Variants in GRIK4 observed in about 807,000 individuals in gnomAD.
GRIK4 encodes the protein glutamate receptor ionotropic, kainate 4.
GRIK4 carries 40 observed loss-of-function variants against 104.9 expected under a neutral mutation model. The observed-to-expected ratio is 0.38, with a 90% CI of 0.30 to 0.50. The LOEUF is 0.50. Ranked by LOEUF, GRIK4 falls within the 20% of genes least tolerant of loss-of-function variation. The pLI is 0.93. For missense variants in GRIK4, 1,047 were observed against 1,308.1 expected (o/e 0.80, Z 3.08); for synonymous variants, 485 against 524.9 (o/e 0.92, Z 1.04).
chr11:120,873,942 C>T, intron 9 of GRIK4, 124 bp from the exon 10 acceptor site: 1 of 865,678 alleles, frequency 1.2e-6, no homozygotes, highest in Non-Finnish European at 1.8e-6. Flanking sequence ...TGAAGATGCA[C>T]TCTTATTTCC....
intron 3 of GRIK4, among the ~76,000 whole-genome samples, chr11:120,734,921 T>G (rs978455384): frequency 6.6e-6 from 1 of 152,216 alleles, no homozygotes; most frequent in African/African-American, 2.4e-5. Flanking sequence ...TTGATTCTTT[T>G]TAATTATTTC....
intron 4 of GRIK4, among the ~76,000 whole-genome samples, chr11:120,811,624 T>G (rs1173881696): frequency 6.6e-6 from 1 of 152,108 alleles, no homozygotes; most frequent in Non-Finnish European, 1.5e-5. Flanking sequence ...TCATAATCAT[T>G]CCTCAGTGTA....
chr11:120,526,373 AT>A (rs1431879286), intron 1 of GRIK4, among the ~76,000 whole-genome samples: 1 of 151,576 alleles, frequency 6.6e-6, no homozygotes, highest in Admixed American at 6.6e-5. Context: ...AATTTTTTAT[AT>A]TTTTTCTTTC....
intron 1 of GRIK4, among the ~76,000 whole-genome samples, chr11:120,652,842 C>T (rs1855264347): frequency 6.6e-6 from 1 of 152,082 alleles, no homozygotes; most frequent in Non-Finnish European, 1.5e-5. Flanking sequence ...GCTGACAAGT[C>T]AGGAGAGGAG....
intron 3 of GRIK4, among the ~76,000 whole-genome samples, chr11:120,786,665 A>G (rs1952283679): frequency 6.6e-6 from 1 of 152,206 alleles, no homozygotes; most frequent in Non-Finnish European, 1.5e-5. Context: ...AAATGCATGT[A>G]CATATCAGAG....
intron 3 of GRIK4, among the ~76,000 whole-genome samples, chr11:120,662,893 G>A (rs1379478251): frequency 6.6e-6 from 1 of 152,126 alleles, no homozygotes; most frequent in Admixed American, 6.5e-5. Flanking sequence ...AGAGGTGGCC[G>A]AACCCATTAC....
intron 1 of GRIK4, among the ~76,000 whole-genome samples, chr11:120,646,303 G>T: frequency 6.6e-6 from 1 of 152,342 alleles, no homozygotes; most frequent in Middle Eastern, 3.4e-3. Context: ...TCTCCACTTT[G>T]TGAATGGGGA....
intron 1 of GRIK4, among the ~76,000 whole-genome samples, chr11:120,613,126 T>C (rs140182462): frequency 6.6e-6 from 1 of 152,176 alleles, no homozygotes; most frequent in Non-Finnish European, 1.5e-5. Flanking sequence ...CCATGTGTCG[T>C]TGTGACTCAG....
chr11:120,748,212 C>T (rs1190539692), intron 3 of GRIK4, among the ~76,000 whole-genome samples: 1 of 152,082 alleles, frequency 6.6e-6, no homozygotes, highest in Non-Finnish European at 1.5e-5. Flanking sequence ...TGCGTCCCTC[C>T]TCCTCTAGCA....
chr11:120,618,964 G>A, intron 1 of GRIK4, among the ~76,000 whole-genome samples: 1 of 152,198 alleles, frequency 6.6e-6, no homozygotes, highest in East Asian at 1.9e-4. Flanking sequence ...ACTGCCTAGT[G>A]GAGCTGTGAG....
At chr11:120,559,228 G>A (rs1948215777) in intron 1 of GRIK4, among the ~76,000 whole-genome samples, 1 of 152,204 alleles carries the variant, frequency 6.6e-6, no homozygotes, top group African/African-American at 2.4e-5. Flanking sequence ...TGAGATCCAT[G>A]GTTCCCCAGG....
chr11:120,759,670 G>GCAAAA (rs1473240923), intron 3 of GRIK4, among the ~76,000 whole-genome samples: 2 of 151,996 alleles, frequency 1.3e-5, no homozygotes, highest in Non-Finnish European at 2.9e-5. Context: ...TAAAAGCAAA[G>GCAAAA]CAAAACAAAA....
intron 3 of GRIK4, among the ~76,000 whole-genome samples, chr11:120,769,601 C>T (rs1307120467): frequency 6.6e-6 from 1 of 152,150 alleles, no homozygotes; most frequent in African/African-American, 2.4e-5. Flanking sequence ...AAGACATGCA[C>T]ACACATACAA....
At chr11:120,705,309 A>G (rs187223059) in intron 3 of GRIK4, among the ~76,000 whole-genome samples, 50 of 148,352 alleles carry the variant, frequency 3.4e-4, no homozygotes, top group African/African-American at 9.8e-4. Flanking sequence ...TCGGCTCACT[A>G]CTGCCTCCTG....
At chr11:120,829,385 AAAATT>A (rs1953362525) in intron 6 of GRIK4, among the ~76,000 whole-genome samples, 1 of 152,200 alleles carries the variant, frequency 6.6e-6, no homozygotes, top group Non-Finnish European at 1.5e-5. Context: ...CCCTAAAAAA[AAAATT>A]AAATTCAGGC....
At chr11:120,889,201 T>G (rs1955202932) in intron 11 of GRIK4, among the ~76,000 whole-genome samples, 1 of 152,188 alleles carries the variant, frequency 6.6e-6, no homozygotes, top group South Asian at 2.1e-4. Flanking sequence ...AGATATTAGA[T>G]TTAAATGCAG....
At chr11:120,876,965 G>A (rs138627208) in intron 11 of GRIK4, among the ~76,000 whole-genome samples, 167 of 152,260 alleles carry the variant, frequency 1.1e-3, no homozygotes, top group African/African-American at 3.9e-3. Flanking sequence ...GAGAGGCTCC[G>A]ATCAGCCCTC....
intron 20 of GRIK4, among the ~76,000 whole-genome samples, chr11:120,985,199 T>C (rs1244404239): frequency 6.6e-6 from 1 of 152,212 alleles, no homozygotes; most frequent in South Asian, 2.1e-4. Context: ...CTTGTAAGTT[T>C]GATGCAAATG....
At chr11:120,814,330 T>C (rs1016732559) in intron 4 of GRIK4, among the ~76,000 whole-genome samples, 4 of 152,174 alleles carry the variant, frequency 2.6e-5, no homozygotes, top group African/African-American at 9.7e-5. Flanking sequence ...TGGGGTGCGG[T>C]GGCTCATGCC....
Sources: allele counts gnomAD v4.1 joint callset (sites outside exome capture counted in the v4.1 genomes callset), GRCh38; gene constraint gnomAD v4.1.1; transcripts MANE v1.5; gene names NCBI Gene and HGNC (gene_info 2026-07-23, HGNC 2026-07-21).